The following FAR1 variants were observed in gnomAD, a reference collection of about 807,000 sequenced individuals.
FAR1 encodes male sterility domain-containing protein 2.
In FAR1, 22 loss-of-function variants were observed where a neutral mutation model predicts 61.1. The observed-to-expected ratio is 0.36, with a 90% CI of 0.26 to 0.51. FAR1 has a LOEUF of 0.51. FAR1 is among the 20% of genes least tolerant of loss of function. The probability of loss-of-function intolerance (pLI) is 0.95; values close to 1 mark genes in which losing one functional copy is unlikely to be tolerated. For missense variants in FAR1, 359 were observed against 626.9 expected, an observed-to-expected ratio of 0.57 and a Z score of 4.56; for synonymous variants, 206 against 209.7, an observed-to-expected ratio of 0.98 and a Z score of 0.15.
intron 3 of FAR1, among the ~76,000 whole-genome samples, chr11:13,704,687 A>G (rs1391903884): frequency 1.3e-5 from 2 of 152,006 alleles, no homozygotes; most frequent in African/African-American, 4.8e-5. Context: ...CTACCCTAAG[A>G]TTGCGTCATT....
rs1347735280 is a variant in FAR1 at position 13,721,321 on chromosome 11, G to A, written c.1128-409G>A. The A allele has an allele frequency of 6.3e-6, 1 of 157,662 alleles. No homozygotes were observed. The highest frequency in any genetic ancestry group is 1.9e-4 in the East Asian group (1 of 5,296). The allele number at this position is 157,662 out of a possible 1,614,324, so 9.8% of individuals were successfully genotyped here. ...TAACACAGTATGTTATTAATTCACA[G>A]GAAATCTTAGCAAATGCAGCTGTGA... On this transcript the variant is annotated intron_variant, in intron 9 of 11. Transcript: ENST00000354817. This position sits in a 1 kb window ranked among gnomAD's most constrained non-coding sequence, Gnocchi z 4.2.
intron 1 of FAR1, among the ~76,000 whole-genome samples, chr11:13,692,846 A>C (rs1848265695): frequency 6.6e-6 from 1 of 152,150 alleles, no homozygotes; most frequent in African/African-American, 2.4e-5. Flanking sequence ...TAGGAATTTA[A>C]GTTTTCTTAA....
chr11:13,688,166 CTT>C (rs1198736779), intron 1 of FAR1, among the ~76,000 whole-genome samples: 2 of 150,902 alleles, frequency 1.3e-5, no homozygotes, highest in Non-Finnish European at 1.5e-5. Flanking sequence ...AAATGAGTCT[CTT>C]GTTGGCAGCA....
At chr11:13,671,617 A>C (rs1436948227) in intron 1 of FAR1, among the ~76,000 whole-genome samples, 1 of 152,190 alleles carries the variant, frequency 6.6e-6, no homozygotes, top group Non-Finnish European at 1.5e-5. Context: ...ATAATAGCAA[A>C]ATTTATTGGG....
intron 1 of FAR1, among the ~76,000 whole-genome samples, chr11:13,684,047 T>C (rs973687024): frequency 3.9e-5 from 6 of 152,226 alleles, no homozygotes; most frequent in Non-Finnish European, 8.8e-5. Flanking sequence ...CTATGTACTT[T>C]ATTGCTTTGT....
intron 1 of FAR1, among the ~76,000 whole-genome samples, chr11:13,681,435 T>C (rs1042837928): frequency 6.6e-6 from 1 of 152,228 alleles, no homozygotes; most frequent in African/African-American, 2.4e-5. Context: ...ACCCTAACTG[T>C]TCTCTCATTC....
intron 1 of FAR1, among the ~76,000 whole-genome samples, chr11:13,691,133 C>G (rs1565342473): frequency 6.6e-6 from 1 of 152,198 alleles, no homozygotes; most frequent in Non-Finnish European, 1.5e-5. Context: ...TTTTGGTTGT[C>G]TGATGAGAGC....
chr11:13,684,111 A>G (rs1848160262), intron 1 of FAR1, among the ~76,000 whole-genome samples: 1 of 152,236 alleles, frequency 6.6e-6, no homozygotes, highest in Non-Finnish European at 1.5e-5. Context: ...AGAAGAAGGT[A>G]CATCCATTTC....
chr11:13,695,302 T>TAC (rs1189673948), intron 2 of FAR1, among the ~76,000 whole-genome samples: 2 of 152,210 alleles, frequency 1.3e-5, no homozygotes, highest in African/African-American at 4.8e-5. Flanking sequence ...TGAGACTACC[T>TAC]ACTATTCTGT....
At chr11:13,728,527 A>T in intron 11 of FAR1, 85 bp from the exon 12 acceptor site, 1 of 1,220,542 alleles carries the variant, frequency 8.2e-7, no homozygotes, top group Non-Finnish European at 1.2e-6. Context: ...AGCTTTGATT[A>T]AAAACTCAGT....
chr11:13,706,586 A>G (rs1848435322), intron 3 of FAR1, among the ~76,000 whole-genome samples: 2 of 152,164 alleles, frequency 1.3e-5, no homozygotes, highest in South Asian at 2.1e-4. Context: ...AAATGAGCTA[A>G]TTAGCATATT....
chr11:13,684,487 G>A (rs1291784545), intron 1 of FAR1, among the ~76,000 whole-genome samples: 1 of 152,204 alleles, frequency 6.6e-6, no homozygotes. Context: ...ATAAGGTGGA[G>A]TTGGGTGGGT....
At chr11:13,711,048 T>A (rs921477200) in intron 5 of FAR1, 178 bp downstream of exon 5, 2 of 563,968 alleles carry the variant, frequency 3.5e-6, no homozygotes, top group Non-Finnish European at 6.1e-6. Context: ...TTCTATAATG[T>A]GACGCTGGGT....
At position 13,707,102 on chromosome 11, in the gene FAR1, T is replaced by G. The variant is rs1848440424; in HGVS notation, c.366-798T>G. On this transcript the variant is annotated intron_variant, in intron 3 of 11. Coordinates refer to ENST00000354817, the MANE Select transcript of FAR1 (RefSeq NM_032228.6). ...TAATTATTTTAGTAGCTATATTCTT[T>G]CATTGTGATAAAATACTTACTTTAT... 3.3e-5 allele frequency among the ~76,000 whole-genome samples: 5 copies of G among 152,344 alleles called. No homozygotes were observed. In the South Asian group the frequency reaches 1.0e-3, roughly 32 times the overall value.
chr11:13,692,580 T>G (rs1189726852), intron 1 of FAR1, among the ~76,000 whole-genome samples: 1 of 152,238 alleles, frequency 6.6e-6, no homozygotes, highest in Non-Finnish European at 1.5e-5. Context: ...TATACTGTTT[T>G]AAGTGGTATA....
In FAR1 at chr11:13,729,219, TTTTG is replaced by T. The variant is rs1848696229; in HGVS notation, c.*449_*452del. 6.6e-6 allele frequency: 1 copy of T among 152,608 alleles called. No individual in the cohort carries two copies. The highest frequency in any genetic ancestry group is 2.4e-5 in the African/African-American group (1 of 41,442). The allele number at this position is 152,608 out of a possible 1,614,324, so 9.5% of individuals were successfully genotyped here. On this transcript the variant is annotated 3_prime_UTR_variant, in exon 12 of 12. Coordinates refer to ENST00000354817, the MANE Select transcript of FAR1 (RefSeq NM_032228.6). ...GTTGGTAGATATTTGATTCTTCATT[TTTTG>T]TTTTTTTCATTAGTTGAAGTGGGTT...
At chr11:13,722,858 C>CTCTCTA (rs905924337) in intron 10 of FAR1, among the ~76,000 whole-genome samples, 66 of 147,868 alleles carry the variant, frequency 4.5e-4, no homozygotes, top group African/African-American at 1.4e-3. Flanking sequence ...CTCTCTCTCT[C>CTCTCTA]TATATATATA....
chr11:13,669,508 C>T (rs1176479430), intron 1 of FAR1: 2 of 152,066 alleles, frequency 1.3e-5, no homozygotes, highest in Non-Finnish European at 2.9e-5. Flanking sequence ...ATTAGTTGGT[C>T]TGTTAGGACA....
At chr11:13,702,429 C>A (rs537214334) in intron 3 of FAR1, among the ~76,000 whole-genome samples, 1 of 151,978 alleles carries the variant, frequency 6.6e-6, no homozygotes. Context: ...GGGACTGATA[C>A]CCTCATCAAC....
Sources: gnomAD v4.1 joint callset for allele counts (sites outside exome capture counted in the v4.1 genomes callset) on GRCh38, gnomAD v4.1.1 for gene constraint, Gnocchi (gnomAD v3.1) non-coding constraint, MANE v1.5 for transcripts, NCBI Gene and HGNC (gene_info 2026-07-23, HGNC 2026-07-21) for gene names.